The following DSCAM variants were observed in gnomAD, a reference collection of about 807,000 sequenced individuals.
DSCAM encodes the protein cell adhesion molecule DSCAM.
DSCAM carries 47 observed loss-of-function variants against 217.7 expected under a neutral mutation model. The ratio of observed to expected loss-of-function variants is 0.22; its 90% confidence interval spans 0.17 to 0.28. DSCAM has a LOEUF of 0.28. Ranked by LOEUF, DSCAM falls within the 10% of genes least tolerant of loss-of-function variation. DSCAM has a pLI of 1.00. For missense variants in DSCAM, 2,080 were observed against 2,618.3 expected, an observed-to-expected ratio of 0.79 and a Z score of 4.49; for synonymous variants, 1,056 against 1,015.3, an observed-to-expected ratio of 1.04 and a Z score of -0.76.
intron 1 of DSCAM, among the ~76,000 whole-genome samples, chr21:40,817,495 G>C (rs941681175): frequency 6.6e-6 from 1 of 152,220 alleles, no homozygotes; most frequent in Admixed American, 6.5e-5. Context: ...CATCACAGGA[G>C]TAATGTGCAG....
At chr21:40,508,638 C>T (rs982941355) in intron 3 of DSCAM, among the ~76,000 whole-genome samples, 15 of 149,860 alleles carry the variant, frequency 1.0e-4, no homozygotes, top group Non-Finnish European at 1.8e-4. Flanking sequence ...GTGCAGTCAT[C>T]GCTCTCAGTA....
intron 1 of DSCAM, among the ~76,000 whole-genome samples, chr21:40,743,165 GA>G (rs1484555888): frequency 6.6e-6 from 1 of 152,160 alleles, no homozygotes; most frequent in Admixed American, 6.5e-5. Context: ...CCACTTTGAA[GA>G]GCTACAGAAC....
At chr21:40,132,160 C>A (rs560400900) in intron 19 of DSCAM, among the ~76,000 whole-genome samples, 78 of 152,180 alleles carry the variant, frequency 5.1e-4, no homozygotes, top group Middle Eastern at 3.4e-3. Flanking sequence ...GAGTGGAGAG[C>A]AAATAATCAA....
At chr21:40,064,058 A>C (rs1190746762) in intron 27 of DSCAM, among the ~76,000 whole-genome samples, 1 of 152,130 alleles carries the variant, frequency 6.6e-6, no homozygotes, top group African/African-American at 2.4e-5. Flanking sequence ...ATTTATCTGC[A>C]AAGACACAGT....
intron 3 of DSCAM, among the ~76,000 whole-genome samples, chr21:40,608,512 A>G (rs2089272556): frequency 6.6e-6 from 1 of 152,222 alleles, no homozygotes; most frequent in Admixed American, 6.5e-5. Flanking sequence ...TGCCCAGATA[A>G]GCTCTGGAAA....
chr21:40,495,009 A>C (rs2076106734), intron 3 of DSCAM, among the ~76,000 whole-genome samples: 1 of 152,198 alleles, frequency 6.6e-6, no homozygotes. Flanking sequence ...ATAAATATCT[A>C]GACACATACA....
chr21:40,292,692 A>G (rs2073907974), intron 10 of DSCAM, among the ~76,000 whole-genome samples: 1 of 152,140 alleles, frequency 6.6e-6, no homozygotes, highest in African/African-American at 2.4e-5. Context: ...AAATGAACAC[A>G]TATACAAAGA....
intron 3 of DSCAM, among the ~76,000 whole-genome samples, chr21:40,409,728 A>G (rs1157048922): frequency 1.3e-5 from 2 of 152,212 alleles, no homozygotes; most frequent in Non-Finnish European, 2.9e-5. Flanking sequence ...AAACCACAGA[A>G]TTGTATTAAT....
chr21:40,152,966 G>A (rs921174685), intron 16 of DSCAM, among the ~76,000 whole-genome samples: 7 of 152,242 alleles, frequency 4.6e-5, no homozygotes, highest in Admixed American at 2.0e-4. Context: ...AGAATTTCAC[G>A]TTTGAAGAAT....
intron 2 of DSCAM, among the ~76,000 whole-genome samples, chr21:40,698,697 C>T (rs191975288): frequency 0.039 from 5,876 of 151,896 alleles, 157 homozygotes; most frequent in East Asian, 0.11. Flanking sequence ...TGGTGAAACC[C>T]CATTTTTACT....
At chr21:40,492,856 G>T (rs2076087237) in intron 3 of DSCAM, among the ~76,000 whole-genome samples, 1 of 151,956 alleles carries the variant, frequency 6.6e-6, no homozygotes, top group Non-Finnish European at 1.5e-5. Flanking sequence ...CTAGGGAAAG[G>T]TATAAATATA....
Position 40,220,375 on chromosome 21 carries a change from T to C in DSCAM, c.2357-31137A>G, listed in dbSNP as rs563759209. ...TAATAAATAAAATGTAGAAGGAAAA[T>C]ACAGAATGGACTGTACAACAAAATA... On this transcript the variant is annotated intron_variant, in intron 11 of 32. Transcript: ENST00000400454. Among the ~76,000 whole-genome samples the C allele has an allele frequency of 7.2e-5, 11 of 152,298 alleles. No homozygotes were observed. In the South Asian group the frequency reaches 2.3e-3, roughly 32 times the overall value.
At chr21:40,349,959 T>A (rs988842828) in intron 5 of DSCAM, among the ~76,000 whole-genome samples, 2 of 152,152 alleles carry the variant, frequency 1.3e-5, no homozygotes, top group African/African-American at 4.8e-5. Flanking sequence ...AGAAGACATA[T>A]AAATATATCT....
At chr21:40,805,635 T>C (rs2091779369) in intron 1 of DSCAM, among the ~76,000 whole-genome samples, 1 of 151,916 alleles carries the variant, frequency 6.6e-6, no homozygotes. Context: ...CCCTATACCA[T>C]CTAGCCTGTT....
intron 1 of DSCAM, among the ~76,000 whole-genome samples, chr21:40,741,302 A>G (rs1409899551): frequency 6.6e-6 from 1 of 152,244 alleles, no homozygotes; most frequent in African/African-American, 2.4e-5. Flanking sequence ...GGATACAATT[A>G]TATATTTAAA....
chr21:40,380,451 A>G (rs1442996005), intron 3 of DSCAM, among the ~76,000 whole-genome samples: 1 of 152,240 alleles, frequency 6.6e-6, no homozygotes, highest in Non-Finnish European at 1.5e-5. Flanking sequence ...TTGAAAGCAA[A>G]TATTTCAGTT....
At chr21:40,092,624 AT>A (rs2089626123) in intron 21 of DSCAM, among the ~76,000 whole-genome samples, 2 of 152,144 alleles carry the variant, frequency 1.3e-5, no homozygotes, top group Admixed American at 6.5e-5. Flanking sequence ...AAGAAACATT[AT>A]TGCTAATCCT....
At chr21:40,590,289 C>T (rs1343840638) in intron 3 of DSCAM, among the ~76,000 whole-genome samples, 3 of 152,148 alleles carry the variant, frequency 2.0e-5, no homozygotes, top group Non-Finnish European at 4.4e-5. Context: ...TTCGAATATC[C>T]CCTATTTAGT....
chr21:40,036,328 G>C lies in DSCAM; in HGVS notation c.5686+6043C>G, dbSNP rs1841435024. Among the ~76,000 whole-genome samples the C allele has an allele frequency of 1.3e-5, 2 of 149,950 alleles. 1 individual carries two copies. Among genetic ancestry groups the C allele is most frequent in the African/African-American group, 5.1e-5 (2 of 39,580 alleles). The stretch of plus-strand genomic sequence containing the variant: ...AATAGATGCAATAAAAAATGATAAA[G>C]GGGACATCACCACCAATCCCACAGA... On this transcript the variant is annotated intron_variant, in intron 32 of 32. Coordinates refer to ENST00000400454, the MANE Select transcript of DSCAM (RefSeq NM_001389.5).
Sources: allele counts gnomAD v4.1 joint callset (sites outside exome capture counted in the v4.1 genomes callset), GRCh38; gene constraint gnomAD v4.1.1; transcripts MANE v1.5; gene names NCBI Gene and HGNC (gene_info 2026-07-23, HGNC 2026-07-21).